Variants in RABGAP1L observed in about 807,000 individuals in gnomAD.
RABGAP1L encodes rab GTPase-activating protein 1-like.
Under a neutral mutation model 137.7 loss-of-function variants are expected in RABGAP1L, and 63 were observed. The observed-to-expected ratio is 0.46, with a 90% confidence interval of 0.37 to 0.56. RABGAP1L has a LOEUF of 0.56. RABGAP1L is among the 20% of genes least tolerant of loss of function. The pLI, the probability that RABGAP1L is intolerant of heterozygous loss-of-function variation, is 0.00. For missense variants in RABGAP1L, 1,095 were observed against 1,244.0 expected, an observed-to-expected ratio of 0.88 and a Z score of 1.80; for synonymous variants, 431 against 433.7, an observed-to-expected ratio of 0.99 and a Z score of 0.08.
intron 13 of RABGAP1L, among the ~76,000 whole-genome samples, chr1:174,529,341 G>A (rs1270523266): frequency 2.0e-5 from 3 of 152,062 alleles, no homozygotes; most frequent in Admixed American, 2.0e-4. Context: ...GGTTTTTTAG[G>A]ACACTTTGGC....
chr1:174,541,671 G>A (rs1355846358), intron 13 of RABGAP1L, among the ~76,000 whole-genome samples: 3 of 152,092 alleles, frequency 2.0e-5, no homozygotes, highest in Non-Finnish European at 2.9e-5. Flanking sequence ...TGCTACTCTG[G>A]AGGCTGAGGC....
At chr1:174,981,550 C>CTTT (rs10556099) in intron 23 of RABGAP1L, among the ~76,000 whole-genome samples, 1,014 of 66,496 alleles carry the variant, frequency 0.015, 35 homozygotes, top group Middle Eastern at 0.018. Flanking sequence ...GTTTTTCCAT[C>CTTT]TTTTTTTTTT....
intron 18 of RABGAP1L, among the ~76,000 whole-genome samples, chr1:174,798,567 T>C (rs1688454713): frequency 1.3e-5 from 2 of 152,240 alleles, no homozygotes; most frequent in Non-Finnish European, 2.9e-5. Flanking sequence ...AATATATTGT[T>C]AAGGGAGGCA....
At chr1:174,885,745 A>C (rs1558189782) in intron 19 of RABGAP1L, among the ~76,000 whole-genome samples, 1 of 152,018 alleles carries the variant, frequency 6.6e-6, no homozygotes, top group Non-Finnish European at 1.5e-5. Flanking sequence ...AGGCGAGTGG[A>C]TCACGAGGTC....
intron 13 of RABGAP1L, among the ~76,000 whole-genome samples, chr1:174,419,306 C>T (rs1650976093): frequency 6.6e-6 from 1 of 152,120 alleles, no homozygotes; most frequent in East Asian, 1.9e-4. Context: ...ATTCTCATTT[C>T]GAACAAGCTA....
chr1:174,460,552 T>A (rs1346153433), intron 13 of RABGAP1L, among the ~76,000 whole-genome samples: 1 of 152,120 alleles, frequency 6.6e-6, no homozygotes, highest in Non-Finnish European at 1.5e-5. Flanking sequence ...TTAGTATTAT[T>A]TTCTTACAAT....
At chr1:174,501,878 T>C (rs141801642) in intron 13 of RABGAP1L, among the ~76,000 whole-genome samples, 1,870 of 151,276 alleles carry the variant, frequency 0.012, 14 homozygotes, top group Non-Finnish European at 0.018. Flanking sequence ...TAGGGGAAAA[T>C]ATCCTTCTGG....
At chr1:174,195,769 C>CTT (rs1558021991) in intron 1 of RABGAP1L, among the ~76,000 whole-genome samples, 28 of 104,622 alleles carry the variant, frequency 2.7e-4, no homozygotes, top group African/African-American at 2.2e-4. Context: ...CTCTCTTTCT[C>CTT]TCTTTCCTTT....
chr1:174,639,831 A>T (rs993807125), intron 14 of RABGAP1L, among the ~76,000 whole-genome samples: 5 of 152,206 alleles, frequency 3.3e-5, no homozygotes, highest in Admixed American at 2.6e-4. Flanking sequence ...GTTGCAAATA[A>T]TAATGCAACC....
intron 1 of RABGAP1L, among the ~76,000 whole-genome samples, chr1:174,174,996 A>G (rs1300107931): frequency 6.6e-6 from 1 of 152,242 alleles, no homozygotes; most frequent in Non-Finnish European, 1.5e-5. Flanking sequence ...CAGTAAATTT[A>G]TGAAGGTGTC....
chr1:174,184,342 A>G (rs903643911), intron 1 of RABGAP1L, among the ~76,000 whole-genome samples: 1 of 152,192 alleles, frequency 6.6e-6, no homozygotes, highest in Non-Finnish European at 1.5e-5. Flanking sequence ...TTATGAATAA[A>G]GCTGCTGTAA....
intron 19 of RABGAP1L, among the ~76,000 whole-genome samples, chr1:174,895,688 C>A (rs956764401): frequency 6.6e-6 from 1 of 151,678 alleles, no homozygotes; most frequent in Non-Finnish European, 1.5e-5. Flanking sequence ...TGAGAACATG[C>A]GGTGTTTGGT....
chr1:174,429,962 T>G (rs183540798), intron 13 of RABGAP1L, among the ~76,000 whole-genome samples: 1 of 152,200 alleles, frequency 6.6e-6, no homozygotes, highest in African/African-American at 2.4e-5. Flanking sequence ...TCACTAGTTA[T>G]TAGCAAGGAA....
chr1:174,816,350 C>T (rs957559128), intron 19 of RABGAP1L, among the ~76,000 whole-genome samples: 8 of 151,922 alleles, frequency 5.3e-5, no homozygotes, highest in South Asian at 4.2e-4. Flanking sequence ...TGGGGTTTCT[C>T]CATCAGGCTA....
At chr1:174,450,961 T>G (rs1655372022) in intron 13 of RABGAP1L, among the ~76,000 whole-genome samples, 1 of 152,194 alleles carries the variant, frequency 6.6e-6, no homozygotes, top group Non-Finnish European at 1.5e-5. Flanking sequence ...ATTGAGGTTG[T>G]TCTGAACCCC....
chr1:174,297,887 A>G (rs1677274287), intron 10 of RABGAP1L, among the ~76,000 whole-genome samples: 1 of 152,134 alleles, frequency 6.6e-6, no homozygotes, highest in South Asian at 2.1e-4. Context: ...TTTTGCTGGC[A>G]TGTTGGGTTT....
intron 13 of RABGAP1L, among the ~76,000 whole-genome samples, chr1:174,431,890 C>A (rs968754352): frequency 6.6e-6 from 1 of 152,016 alleles, no homozygotes; most frequent in Non-Finnish European, 1.5e-5. Flanking sequence ...AATTTAGATG[C>A]CTAATGTAAT....
intron 13 of RABGAP1L, among the ~76,000 whole-genome samples, chr1:174,421,960 G>A (rs1288259996): frequency 6.6e-6 from 1 of 152,094 alleles, no homozygotes; most frequent in Non-Finnish European, 1.5e-5. Flanking sequence ...GTAGAGACAG[G>A]GTTTCGCTAT....
intron 13 of RABGAP1L, among the ~76,000 whole-genome samples, chr1:174,543,846 A>C (rs1377000191): frequency 1.3e-5 from 2 of 152,104 alleles, no homozygotes; most frequent in African/African-American, 4.8e-5. Context: ...TTTCTCCTTC[A>C]CTTATGAAGC....
Sources: allele counts gnomAD v4.1 joint callset (sites outside exome capture counted in the v4.1 genomes callset), GRCh38; gene constraint gnomAD v4.1.1; transcripts MANE v1.5; gene names NCBI Gene and HGNC (gene_info 2026-07-23, HGNC 2026-07-21).